The following AK9 variants were observed in gnomAD, a reference collection of about 807,000 sequenced individuals.
AK9 encodes adenylate kinase domain containing 1.
Under a neutral mutation model 239.6 loss-of-function variants are expected in AK9, and 191 were observed. The ratio of observed to expected loss-of-function variants is 0.80; its 90% CI spans 0.71 to 0.90. The LOEUF is 0.90. Among genes scored for constraint, AK9 ranks in the 40% least tolerant of loss-of-function variants. The pLI, the probability that AK9 is intolerant of heterozygous loss-of-function variation, is 0.00. For synonymous variants in AK9, 689 were observed against 721.0 expected, an observed-to-expected ratio of 0.96 and a Z score of 0.71; for missense variants, 1,995 against 2,214.7, an observed-to-expected ratio of 0.90 and a Z score of 1.99.
At chr6:109,684,763 A>G (rs1210055034) in intron 1 of AK9, among the ~76,000 whole-genome samples, 5 of 141,612 alleles carry the variant, frequency 3.5e-5, no homozygotes, top group Non-Finnish European at 7.7e-5. Flanking sequence ...AGTCCCAGCT[A>G]CTTGGGAGGC....
rs1271738188 is a variant in AK9, at chr6:109,532,020, G to A, written c.3570+1231C>T. On this transcript the variant is annotated intron_variant, in intron 28 of 40. Transcript: ENST00000424296. ...CCCAAGATGAAAAGAATTTGAAAAC[G>A]ATGTCTGAGCAATGAAAGAGGAACT... is the stretch of plus-strand genomic sequence containing the variant. 3.3e-5 allele frequency among the ~76,000 whole-genome samples: 5 copies of A among 152,166 alleles called. No homozygotes were observed. In the East Asian group the frequency reaches 5.8e-4, roughly 18 times the overall value.
intron 25 of AK9, among the ~76,000 whole-genome samples, chr6:109,546,708 C>G (rs926063125): frequency 6.6e-6 from 1 of 152,078 alleles, no homozygotes; most frequent in African/African-American, 2.4e-5. Flanking sequence ...GTAGGATAAG[C>G]CTCAAAGGGG....
intron 12 of AK9, among the ~76,000 whole-genome samples, chr6:109,623,032 ATCTC>A (rs1228196899): frequency 6.6e-6 from 1 of 152,104 alleles, no homozygotes; most frequent in Non-Finnish European, 1.5e-5. Context: ...GTTTTTTGGC[ATCTC>A]TCTATCAGGG....
intron 32 of AK9, among the ~76,000 whole-genome samples, chr6:109,513,589 A>G (rs942970248): frequency 6.6e-6 from 1 of 152,158 alleles, no homozygotes; most frequent in Non-Finnish European, 1.5e-5. Flanking sequence ...CAGTCTTGAT[A>G]GTTGGTTTTC....
At chr6:109,634,706 C>T (rs1796506030) in intron 10 of AK9, among the ~76,000 whole-genome samples, 1 of 152,164 alleles carries the variant, frequency 6.6e-6, no homozygotes, top group African/African-American at 2.4e-5. Flanking sequence ...TTGTATAAGA[C>T]TGAGAACCTC....
chr6:109,648,797 A>C (rs367873209), intron 8 of AK9, among the ~76,000 whole-genome samples: 1 of 152,348 alleles, frequency 6.6e-6, no homozygotes, highest in Non-Finnish European at 1.5e-5. Flanking sequence ...AAAAAAGAGA[A>C]TTTTAGACCA....
chr6:109,557,949 TG>T (rs1785227828), intron 24 of AK9, among the ~76,000 whole-genome samples: 1 of 152,226 alleles, frequency 6.6e-6, no homozygotes, highest in Non-Finnish European at 1.5e-5. Context: ...TATCTAATAG[TG>T]TCTCATTGTG....
Position 109,672,134 on chromosome 6 carries a change from T to C in AK9, c.215A>G (p.Glu72Gly). 6.2e-7 allele frequency: 1 copy of C among 1,613,372 alleles called. No individual in the cohort carries two copies. Among genetic ancestry groups the C allele is most frequent in the Non-Finnish European group, 8.5e-7 (1 of 1,179,676 alleles). Residue 72 changes from glutamate (E) to glycine (G), a missense_variant, in exon 4 of 41, where the codon GAA becomes GGA. Coordinates refer to ENST00000424296, the MANE Select transcript of AK9 (RefSeq NM_001145128.3). ...LPILEEQIAA[E>G]TESGVMLQSM... ...GTTTACCATAACTCCTGATTCGGTT[T>C]CAGCAGCAATCTGTTCTTCTAAAAT...
Position 109,610,427 on chromosome 6 carries a change from C to A in AK9, c.1780G>T (p.Asp594Tyr). 1 of 1,551,554 alleles carries A rather than the reference C, an allele frequency of 6.4e-7. No individual in the cohort carries two copies. The highest frequency in any genetic ancestry group is 8.7e-7 in the Non-Finnish European group (1 of 1,146,868). Residue 594 changes from aspartate to tyrosine, a missense_variant, in exon 17 of 41, where the codon GAT becomes TAT. By Grantham distance (160) the Asp-to-Tyr change is radical. Transcript: ENST00000424296. The stretch of plus-strand genomic sequence containing the variant: ...TCATATGGCTGTTCAAAGTTTATAT[C>A]CTGTGACATTTTTATAGTCTCTTCA... ...MIEETIKMSQ[D>Y]INFEQPYEKH...
intron 17 of AK9, 50 bp from the exon 18 acceptor site, chr6:109,586,122 G>A (rs55716480): frequency 0.036 from 49,888 of 1,398,814 alleles, 994 homozygotes; most frequent in Middle Eastern, 0.042. Context: ...ACAAGTCAAG[G>A]ATGCAACCTT....
chr6:109,620,605 C>T (rs2128249403), intron 12 of AK9, among the ~76,000 whole-genome samples: 1 of 151,754 alleles, frequency 6.6e-6, no homozygotes, highest in African/African-American at 2.4e-5. Context: ...CCCTATATTC[C>T]CATTCTGCTT....
intron 33 of AK9, among the ~76,000 whole-genome samples, chr6:109,508,088 C>G (rs1320961837): frequency 1.3e-5 from 2 of 152,176 alleles, no homozygotes; most frequent in Non-Finnish European, 2.9e-5. Context: ...GTGAATTGTT[C>G]ATTGCTTAAA....
At chr6:109,544,522 A>G (rs1481566805) in intron 26 of AK9, among the ~76,000 whole-genome samples, 1 of 152,052 alleles carries the variant, frequency 6.6e-6, no homozygotes, top group Non-Finnish European at 1.5e-5. Context: ...CCAGTGGTTT[A>G]AAAGTGTGTG....
chr6:109,676,174 G>A (rs978215132), intron 1 of AK9, among the ~76,000 whole-genome samples: 1 of 152,042 alleles, frequency 6.6e-6, no homozygotes, highest in African/African-American at 2.4e-5. Context: ...ATTTTAGGAA[G>A]CTTTGGTTAA....
chr6:109,638,921 C>G (rs767420444), intron 10 of AK9, among the ~76,000 whole-genome samples: 2 of 152,124 alleles, frequency 1.3e-5, no homozygotes, highest in African/African-American at 2.4e-5. Flanking sequence ...CTGTCCTTGC[C>G]ATAGTTTGCT....
At chr6:109,498,056 A>AT in intron 36 of AK9, 91 bp from the exon 37 acceptor site, 3 of 1,261,130 alleles carry the variant, frequency 2.4e-6, no homozygotes, top group Non-Finnish European at 3.4e-6. Context: ...CACCCTCCCC[A>AT]TTTTCAGTAG....
chr6:109,528,092 A>T (rs1780744198), intron 29 of AK9: 1 of 177,170 alleles, frequency 5.6e-6, no homozygotes, highest in African/African-American at 2.4e-5. Context: ...AGAGCAGTGA[A>T]CAAAGTCAGT....
chr6:109,603,081 C>G (rs1278717581), intron 17 of AK9, among the ~76,000 whole-genome samples: 1 of 152,230 alleles, frequency 6.6e-6, no homozygotes, highest in Non-Finnish European at 1.5e-5. Context: ...TCGTCAAGGT[C>G]ATTCTCTGTC....
At chr6:109,634,505 A>ACC (rs1231097015) in intron 10 of AK9, among the ~76,000 whole-genome samples, 3 of 152,242 alleles carry the variant, frequency 2.0e-5, no homozygotes, top group African/African-American at 7.2e-5. Flanking sequence ...GATGTGGGTC[A>ACC]CACATGATAT....
Sources: allele counts gnomAD v4.1 joint callset (sites outside exome capture counted in the v4.1 genomes callset), GRCh38; gene constraint gnomAD v4.1.1; transcripts MANE v1.5; gene names NCBI Gene and HGNC (gene_info 2026-07-23, HGNC 2026-07-21).